The following WBP4 variants were observed in gnomAD, a reference collection of about 807,000 sequenced individuals.
WBP4 encodes WW domain-binding protein 4.
In WBP4, 37 loss-of-function variants were observed where a neutral mutation model predicts 55.4. That is an observed-to-expected ratio of 0.67 (90% CI 0.51 to 0.88). The LOEUF is 0.88. Among genes scored for constraint, WBP4 ranks in the 40% least tolerant of loss-of-function variants. The pLI, the probability that WBP4 is intolerant of heterozygous loss-of-function variation, is 0.00. For synonymous variants in WBP4, 142 were observed against 140.2 expected (o/e 1.01, Z -0.09); for missense variants, 398 against 420.8 (o/e 0.95, Z 0.47).
Position 41,083,607 on chromosome 13 carries a change from G to T in WBP4, c.*693G>T, listed in dbSNP as rs1447598650. On this transcript the variant is annotated 3_prime_UTR_variant, in exon 10 of 10. Coordinates refer to ENST00000379487, the MANE Select transcript of WBP4 (RefSeq NM_007187.5). ...ATAAAGATGAATGAAATGTATTTCT[G>T]TTCTTCAGGAGTTCACATTCTAGCA... 1 of 152,256 alleles carries T rather than the reference G, an allele frequency of 6.6e-6. No homozygotes were observed. Among genetic ancestry groups the T allele is most frequent in the East Asian group, 1.9e-4 (1 of 5,204 alleles). The allele number at this position is 152,256 out of a possible 1,614,324, so 9.4% of individuals were successfully genotyped here.
intron 4 of WBP4, among the ~76,000 whole-genome samples, chr13:41,068,239 A>C (rs1012087067): frequency 1.3e-5 from 2 of 152,102 alleles, no homozygotes; most frequent in Non-Finnish European, 2.9e-5. Flanking sequence ...AGCCAACCTG[A>C]AGTTGGCTCT....
chr13:41,083,173 CT>C lies in WBP4; in HGVS notation c.*260del, dbSNP rs1878860245. On this transcript the variant is annotated 3_prime_UTR_variant, in exon 10 of 10. Coordinates refer to ENST00000379487, the MANE Select transcript of WBP4 (RefSeq NM_007187.5). ...GCTAATTAAGTCATAATTTAAGATG[CT>C]ATGTATCTGTTATTTAAAACATGGA... 8 of 333,690 alleles carry C rather than the reference CT, an allele frequency of 2.4e-5. No individual in the cohort carries two copies. In the South Asian group the frequency reaches 3.9e-4, roughly 16 times the overall value. The allele number at this position is 333,690 out of a possible 1,614,324, so 20.7% of individuals were successfully genotyped here.
intron 8 of WBP4, among the ~76,000 whole-genome samples, chr13:41,077,923 T>G (rs890365018): frequency 1.3e-5 from 2 of 151,604 alleles, no homozygotes; most frequent in African/African-American, 4.8e-5. Context: ...AATCTCGGAA[T>G]ACATTTAACC....
chr13:41,061,730 T>C, intron 1 of WBP4, 55 bp downstream of exon 1: 1 of 1,611,806 alleles, frequency 6.2e-7, no homozygotes, highest in Non-Finnish European at 8.5e-7. Flanking sequence ...GGGCCGCCCT[T>C]TCTCGCCCGG....
chr13:41,062,127 C>CG (rs1491548713), intron 1 of WBP4: 155 of 190,038 alleles, frequency 8.2e-4, no homozygotes, highest in Admixed American at 1.2e-3. Context: ...TTTTTTTTGT[C>CG]GGCCGTCTAC....
intron 4 of WBP4, among the ~76,000 whole-genome samples, chr13:41,066,765 C>T (rs1157406269): frequency 7.2e-6 from 1 of 138,384 alleles, no homozygotes. Flanking sequence ...GTAAAGAGTG[C>T]GGCATTAAGC....
At chr13:41,075,901 C>A (rs1015553084) in intron 7 of WBP4, 143 bp from the exon 8 acceptor site, 3 of 909,094 alleles carry the variant, frequency 3.3e-6, no homozygotes, top group East Asian at 5.6e-5. Context: ...GGTTTGAGAA[C>A]TCTGTTATCT....
At chr13:41,064,187 A>T (rs1326372827) in intron 2 of WBP4, among the ~76,000 whole-genome samples, 5 of 152,018 alleles carry the variant, frequency 3.3e-5, no homozygotes, top group Non-Finnish European at 7.4e-5. Context: ...CACTAGTTTT[A>T]AAAAATTTAA....
rs74046985 is a variant in WBP4 at position 41,077,019 on chromosome 13, C to A, written c.756+782C>A. Among the ~76,000 whole-genome samples, 1,229 of 152,026 alleles carry A rather than the reference C, an allele frequency of 8.1e-3. 9 individuals are homozygous for A. The highest frequency in any genetic ancestry group is 0.011 in the Non-Finnish European group (747 of 67,966). On this transcript the variant is annotated intron_variant, in intron 8 of 9. Transcript: ENST00000379487. ...AATGAATGTGTTCCAACAACAACAA[C>A]AAAAAAATACAGGCCAATAACCCTG...
chr13:41,069,857 A>G (rs1878156800), intron 5 of WBP4, among the ~76,000 whole-genome samples: 1 of 151,560 alleles, frequency 6.6e-6, no homozygotes, highest in Non-Finnish European at 1.5e-5. Context: ...CTGCCTGGGC[A>G]ACAAGAGCGA....
chr13:41,072,012 C>T (rs1173334783), intron 6 of WBP4, among the ~76,000 whole-genome samples: 2 of 147,956 alleles, frequency 1.4e-5, no homozygotes, highest in African/African-American at 2.5e-5. Context: ...CACCACCGCA[C>T]TCCAGCCTGG....
intron 8 of WBP4, 136 bp downstream of exon 8, chr13:41,076,373 G>A: frequency 3.0e-6 from 2 of 677,314 alleles, no homozygotes; most frequent in South Asian, 2.3e-5. Flanking sequence ...CCACCTTCCG[G>A]GTTCAAGCAA....
chr13:41,076,324 G>A (rs1265805481), intron 8 of WBP4, 87 bp downstream of exon 8: 6 of 1,090,162 alleles, frequency 5.5e-6, no homozygotes, highest in Non-Finnish European at 7.4e-6. Flanking sequence ...CTGTCCCCAG[G>A]CTGGAGTACA....
intron 5 of WBP4, among the ~76,000 whole-genome samples, chr13:41,069,224 C>G (rs1482682013): frequency 6.6e-6 from 1 of 152,046 alleles, no homozygotes; most frequent in Non-Finnish European, 1.5e-5. Flanking sequence ...TGATACCCAA[C>G]AGAAAAATAC....
chr13:41,067,875 T>C (rs1238278848), intron 4 of WBP4, among the ~76,000 whole-genome samples: 3 of 152,182 alleles, frequency 2.0e-5, no homozygotes, highest in Non-Finnish European at 4.4e-5. Context: ...TTTTATGTAG[T>C]CAAATTTAAC....
At position 41,068,586 on chromosome 13, in the gene WBP4, A is replaced by G. The variant is rs752508410; in HGVS notation, c.288A>G (p.Pro96=). 11 of 1,609,340 alleles carry G rather than the reference A, an allele frequency of 6.8e-6. No homozygotes were observed. In the Admixed American group the frequency reaches 1.7e-4, roughly 25 times the overall value. The change falls in exon 5 of 10, where the codon CCA becomes CCG. Residue 96 remains proline, a synonymous_variant. Transcript: ENST00000379487. ...AAATTTTGGAGCCAAGCATAACACC[A>G]GTAACCAGCACTATCCCACCTACCT... The part of the protein sequence containing the change: ...ESEILEPSIT[P]VTSTIPPTST...
chr13:41,067,699 A>T (rs1452849093), intron 4 of WBP4, among the ~76,000 whole-genome samples: 2 of 152,238 alleles, frequency 1.3e-5, no homozygotes, highest in Non-Finnish European at 2.9e-5. Flanking sequence ...AATGTTAATT[A>T]TCTGAATTGT....
In WBP4 at chr13:41,071,520, C is replaced by A; in HGVS notation, c.440-7C>A. 1 of 1,599,444 alleles carries A rather than the reference C, an allele frequency of 6.3e-7. No individual in the cohort carries two copies. Among genetic ancestry groups the A allele is most frequent in the Non-Finnish European group, 8.5e-7 (1 of 1,174,478 alleles). ...GATTTTATAAATGCAATATATTTTGCTTTAAGCATCTCAGTGGGAGAAACC... is the reference window on the plus strand; with the variant it reads ...GATTTTATAAATGCAATATATTTTGATTTAAGCATCTCAGTGGGAGAAACC... On this transcript the variant is annotated splice_region_variant and splice_polypyrimidine_tract_variant and intron_variant, in intron 5 of 9. Transcript: ENST00000379487.
chr13:41,079,656 A>G (rs1244395424), intron 8 of WBP4, among the ~76,000 whole-genome samples: 2 of 152,180 alleles, frequency 1.3e-5, no homozygotes, highest in Non-Finnish European at 2.9e-5. Context: ...TATAGAAAAC[A>G]TTTCTCAGAG....
Sources: allele counts gnomAD v4.1 joint callset (sites outside exome capture counted in the v4.1 genomes callset), GRCh38; gene constraint gnomAD v4.1.1; transcripts MANE v1.5; gene names NCBI Gene and HGNC (gene_info 2026-07-23, HGNC 2026-07-21).